The following ZDHHC7 variants were observed in gnomAD, a reference collection of about 807,000 sequenced individuals.
ZDHHC7 encodes the protein zDHHC palmitoyltransferase 7.
In ZDHHC7, 12 loss-of-function variants were observed where a neutral mutation model predicts 34.1. The ratio of observed to expected loss-of-function variants is 0.35; its 90% confidence interval spans 0.23 to 0.57. ZDHHC7 has a LOEUF of 0.57. ZDHHC7 is among the 20% of genes least tolerant of loss of function. The pLI is 0.84. For missense variants in ZDHHC7, 388 were observed against 402.7 expected, an observed-to-expected ratio of 0.96 and a Z score of 0.31; for synonymous variants, 185 against 155.4, an observed-to-expected ratio of 1.19 and a Z score of -1.42.
intron 3 of ZDHHC7, 149 bp from the exon 4 acceptor site, chr16:84,982,143 A>C: frequency 1.1e-6 from 1 of 946,894 alleles, no homozygotes; most frequent in Non-Finnish European, 1.5e-6. Context: ...CAGCCTGGCC[A>C]ACCCAGCCTG....
At chr16:84,977,822 A>T in intron 6 of ZDHHC7, 102 bp downstream of exon 6, 1 of 880,928 alleles carries the variant, frequency 1.1e-6, no homozygotes, top group Non-Finnish European at 1.8e-6. Context: ...AATTGCAATG[A>T]TTTCCTTCAA....
intron 6 of ZDHHC7, 41 bp downstream of exon 6, chr16:84,977,883 A>G: frequency 6.6e-7 from 1 of 1,512,414 alleles, no homozygotes; most frequent in Non-Finnish European, 9.1e-7. Flanking sequence ...ATCCAATAAC[A>G]GCATGCAAAG....
chr16:85,014,500 C>CAGTT (rs1324824140), upstream of ZDHHC7, among the ~76,000 whole-genome samples: 5 of 152,230 alleles, frequency 3.3e-5, no homozygotes, highest in Middle Eastern at 3.4e-3. Flanking sequence ...ATAAAGAAGG[C>CAGTT]AGTTAATCTG....
At chr16:84,982,029 G>A in intron 3 of ZDHHC7, 35 bp from the exon 4 acceptor site, 2 of 1,612,650 alleles carry the variant, frequency 1.2e-6, no homozygotes, top group African/African-American at 1.3e-5. Flanking sequence ...TAGTTGGGGA[G>A]AATGAAAGTT....
intron 3 of ZDHHC7, among the ~76,000 whole-genome samples, chr16:84,982,541 G>A (rs891683582): frequency 2.9e-4 from 44 of 152,204 alleles, no homozygotes; most frequent in African/African-American, 1.0e-3. Context: ...TGCTGACAGG[G>A]AGGTGACTGA....
Position 84,979,296 on chromosome 16 carries a change from G to A in ZDHHC7, c.441-11C>T, listed in dbSNP as rs748158567. 1 of 1,607,656 alleles carries A rather than the reference G, an allele frequency of 6.2e-7. No homozygotes were observed. The highest frequency in any genetic ancestry group is 8.5e-7 in the Non-Finnish European group (1 of 1,178,674). On this transcript the variant is annotated splice_polypyrimidine_tract_variant and intron_variant, in intron 4 of 7. Transcript: ENST00000313732. ...CATCTTTTGCAAATACTGAAAAGGAGAGTTTGATTTTTCAGTATTCCATGC... is the reference window on the plus strand; with the variant it reads ...CATCTTTTGCAAATACTGAAAAGGAAAGTTTGATTTTTCAGTATTCCATGC...
At chr16:85,016,679 G>A in the ZDHHC7 span, among the ~76,000 whole-genome samples, 700 of 151,500 alleles carry the variant, frequency 4.6e-3, 14 homozygotes, top group African/African-American at 0.016. Flanking sequence ...TATTGCCCAG[G>A]CTAGTCTTGA....
At chr16:84,981,722 A>C in intron 4 of ZDHHC7, 148 bp downstream of exon 4, 2 of 1,479,160 alleles carry the variant, frequency 1.4e-6, no homozygotes, top group Non-Finnish European at 9.2e-7. Context: ...CCCAGAAAGA[A>C]CATGACACCT....
chr16:84,980,435 C>A (rs1198793244), intron 4 of ZDHHC7, among the ~76,000 whole-genome samples: 1 of 151,840 alleles, frequency 6.6e-6, no homozygotes, highest in East Asian at 1.9e-4. Flanking sequence ...TTTGGCAGGC[C>A]GAGGCAGGTG....
At chr16:85,026,044 T>C in the ZDHHC7 span, among the ~76,000 whole-genome samples, 2 of 152,244 alleles carry the variant, frequency 1.3e-5, no homozygotes, top group Non-Finnish European at 2.9e-5. Flanking sequence ...TCTAACCTTT[T>C]GACAAGGTCA....
chr16:84,981,430 C>T (rs758841695), intron 4 of ZDHHC7, among the ~76,000 whole-genome samples: 4 of 152,226 alleles, frequency 2.6e-5, no homozygotes, highest in African/African-American at 4.8e-5. Context: ...CAAAAGTGAA[C>T]GCACAACAGC....
intron 3 of ZDHHC7, among the ~76,000 whole-genome samples, chr16:84,986,600 C>A (rs1239399056): frequency 6.6e-6 from 1 of 152,204 alleles, no homozygotes; most frequent in African/African-American, 2.4e-5. Flanking sequence ...AAAGTGAAGC[C>A]TGGGATCAAA....
At chr16:85,014,635 G>A (rs997383821), upstream of ZDHHC7, among the ~76,000 whole-genome samples, 1 of 152,174 alleles carries the variant, frequency 6.6e-6, no homozygotes, top group Non-Finnish European at 1.5e-5. Flanking sequence ...ACATGATCCA[G>A]TCTCCAGGGC....
chr16:84,976,275 G>A lies in ZDHHC7; in HGVS notation c.*68C>T. ...CCCTGTTGGTCACAGATGAGCTGTT[G>A]ATATCCTTCAGACCCCAAATAAATA... On this transcript the variant is annotated 3_prime_UTR_variant, in exon 8 of 8. Coordinates refer to ENST00000313732, the MANE Select transcript of ZDHHC7 (RefSeq NM_017740.3). 1 of 1,587,912 alleles carries A rather than the reference G, an allele frequency of 6.3e-7. No homozygotes were observed. The highest frequency in any genetic ancestry group is 8.6e-7 in the Non-Finnish European group (1 of 1,166,778).
rs547127312 is a variant in ZDHHC7, at chr16:84,981,270, G to C, written c.440+600C>G. 2.6e-5 allele frequency among the ~76,000 whole-genome samples: 4 copies of C among 152,316 alleles called. No individual in the cohort carries two copies. The South Asian group carries it at 8.3e-4, about 32-fold the overall frequency. ...AGGGCCAGGAAGGCTACTTGAGCCA[G>C]GCAGATAACTGGACTGTGGCTTTTA... On this transcript the variant is annotated intron_variant, in intron 4 of 7. Coordinates refer to ENST00000313732, the MANE Select transcript of ZDHHC7 (RefSeq NM_017740.3).
At chr16:84,988,880 G>T (rs2072472333) in intron 3 of ZDHHC7, 1 of 1,551,452 alleles carries the variant, frequency 6.4e-7, no homozygotes, top group African/African-American at 1.4e-5. Flanking sequence ...TTTCCTACAA[G>T]GCAATATTCC....
At chr16:84,992,214 A>C (rs1304775060) in intron 2 of ZDHHC7, among the ~76,000 whole-genome samples, 2 of 151,882 alleles carry the variant, frequency 1.3e-5, no homozygotes, top group African/African-American at 4.8e-5. Flanking sequence ...TCATACCTGT[A>C]ACCCCAGCGC....
At chr16:84,990,131 T>C (rs1408671910) in intron 3 of ZDHHC7, among the ~76,000 whole-genome samples, 173 bp downstream of exon 3, 3 of 152,202 alleles carry the variant, frequency 2.0e-5, no homozygotes, top group Non-Finnish European at 2.9e-5. Context: ...GTCTGGCCTA[T>C]GTTTATTCTC....
chr16:84,999,498 T>C (rs980094578), intron 1 of ZDHHC7, among the ~76,000 whole-genome samples: 1 of 152,070 alleles, frequency 6.6e-6, no homozygotes, highest in Non-Finnish European at 1.5e-5. Flanking sequence ...TAACAAACAT[T>C]GGTGTATTCA....
Sources: gnomAD v4.1 joint callset for allele counts (sites outside exome capture counted in the v4.1 genomes callset) on GRCh38, gnomAD v4.1.1 for gene constraint, MANE v1.5 for transcripts, NCBI Gene and HGNC (gene_info 2026-07-23, HGNC 2026-07-21) for gene names.